Variants in CNBD1 observed in about 807,000 individuals in gnomAD.
The protein encoded by CNBD1 is cyclic nucleotide-binding domain-containing protein 1.
In CNBD1, 71 loss-of-function variants were observed where a neutral mutation model predicts 54.4. That is an observed-to-expected ratio of 1.30 (90% CI 1.08 to 1.59). The LOEUF is 1.59. CNBD1 is among the 40% of genes most tolerant of loss of function. The pLI is 0.00. For synonymous variants in CNBD1, 182 were observed against 170.7 expected, an observed-to-expected ratio of 1.07 and a Z score of -0.51; for missense variants, 659 against 518.0, an observed-to-expected ratio of 1.27 and a Z score of -2.64.
chr8:87,211,575 C>G (rs547771899), intron 5 of CNBD1, among the ~76,000 whole-genome samples: 3 of 152,228 alleles, frequency 2.0e-5, no homozygotes, highest in African/African-American at 7.2e-5. Flanking sequence ...TGAGTGAGTT[C>G]TCACAAGATC....
chr8:87,303,088 T>G (rs1451961756), intron 8 of CNBD1, among the ~76,000 whole-genome samples: 41 of 152,040 alleles, frequency 2.7e-4, no homozygotes, highest in African/African-American at 9.6e-4. Flanking sequence ...TTCAATGCTA[T>G]CCCCATCAAG....
At chr8:87,377,566 T>G (rs868141915) in intron 10 of CNBD1, among the ~76,000 whole-genome samples, 177 of 151,900 alleles carry the variant, frequency 1.2e-3, no homozygotes, top group African/African-American at 3.5e-3. Flanking sequence ...TGGACATTTG[T>G]GTTGGTTCCA....
At chr8:87,043,448 A>T (rs904453310) in intron 4 of CNBD1, among the ~76,000 whole-genome samples, 2 of 152,134 alleles carry the variant, frequency 1.3e-5, no homozygotes, top group African/African-American at 4.8e-5. Context: ...GATTCAACAC[A>T]TTTTGTCTGT....
chr8:87,186,859 A>G (rs2130782411), intron 4 of CNBD1, among the ~76,000 whole-genome samples: 1 of 152,228 alleles, frequency 6.6e-6, no homozygotes, highest in Non-Finnish European at 1.5e-5. Context: ...GTTATGGACA[A>G]AAGGAAGGGA....
chr8:87,205,129 T>C (rs1305988087), intron 4 of CNBD1, among the ~76,000 whole-genome samples: 1 of 152,212 alleles, frequency 6.6e-6, no homozygotes, highest in African/African-American at 2.4e-5. Context: ...TATGGGTATC[T>C]GAAATTCCCT....
At chr8:87,190,974 A>G (rs888302630) in intron 4 of CNBD1, among the ~76,000 whole-genome samples, 12 of 138,758 alleles carry the variant, frequency 8.6e-5, no homozygotes, top group Admixed American at 7.8e-4. Context: ...TGAAAGATAT[A>G]TATATGTATC....
At chr8:87,083,593 T>TC (rs1175456153) in intron 4 of CNBD1, among the ~76,000 whole-genome samples, 2 of 147,716 alleles carry the variant, frequency 1.4e-5, no homozygotes, top group African/African-American at 5.0e-5. Context: ...TTCTTTTTTT[T>TC]TTTTTTTTTT....
chr8:87,017,647 G>A (rs1809392239), intron 4 of CNBD1, among the ~76,000 whole-genome samples: 1 of 152,136 alleles, frequency 6.6e-6, no homozygotes, highest in Non-Finnish European at 1.5e-5. Flanking sequence ...TAGCTCTCGT[G>A]AGCTGTTTGG....
chr8:87,290,326 T>C (rs1358224551), intron 8 of CNBD1, among the ~76,000 whole-genome samples: 1 of 152,246 alleles, frequency 6.6e-6, no homozygotes, highest in Admixed American at 6.6e-5. Context: ...TTTTTATTTG[T>C]TCCTGTGGAC....
intron 4 of CNBD1, among the ~76,000 whole-genome samples, chr8:87,088,433 AGTAT>A (rs1236514813): frequency 6.6e-6 from 1 of 152,220 alleles, no homozygotes; most frequent in Non-Finnish European, 1.5e-5. Flanking sequence ...ATATAAAAAG[AGTAT>A]GTATGACTTT....
chr8:87,348,710 A>G (rs1267185988), intron 8 of CNBD1, among the ~76,000 whole-genome samples: 1 of 152,190 alleles, frequency 6.6e-6, no homozygotes, highest in East Asian at 1.9e-4. Flanking sequence ...TCTAATCATT[A>G]GTTTCTATTT....
chr8:87,033,296 G>A (rs958971830), intron 4 of CNBD1, among the ~76,000 whole-genome samples: 15 of 152,142 alleles, frequency 9.9e-5, no homozygotes, highest in Non-Finnish European at 1.5e-5. Context: ...TTGTGTTTGG[G>A]GGCAAGTAGA....
At chr8:87,365,701 T>C (rs1810628942) in intron 10 of CNBD1, among the ~76,000 whole-genome samples, 1 of 152,088 alleles carries the variant, frequency 6.6e-6, no homozygotes, top group Non-Finnish European at 1.5e-5. Flanking sequence ...AAATTTTAAG[T>C]ATGATAACTT....
At chr8:87,339,089 T>A (rs965736069) in intron 8 of CNBD1, among the ~76,000 whole-genome samples, 2 of 151,784 alleles carry the variant, frequency 1.3e-5, no homozygotes, top group Admixed American at 1.3e-4. Context: ...TTCCTTCAGG[T>A]CAAGCAGATT....
intron 6 of CNBD1, among the ~76,000 whole-genome samples, chr8:87,273,091 G>A (rs1284331639): frequency 2.0e-5 from 3 of 151,704 alleles, no homozygotes; most frequent in Non-Finnish European, 4.4e-5. Flanking sequence ...CCTAATAATA[G>A]GAAAATTTTA....
intron 4 of CNBD1, among the ~76,000 whole-genome samples, chr8:86,956,929 C>T (rs565455323): frequency 6.6e-6 from 1 of 152,246 alleles, no homozygotes; most frequent in African/African-American, 2.4e-5. Flanking sequence ...GCAATGCTTC[C>T]AGTTTTTGCC....
intron 4 of CNBD1, among the ~76,000 whole-genome samples, chr8:87,144,547 C>CA (rs576917845): frequency 2.3e-4 from 35 of 151,906 alleles, no homozygotes; most frequent in East Asian, 3.9e-4. Context: ...ATTTTAGATG[C>CA]AAAAAAATGT....
chr8:87,228,518 C>T (rs1814568975), intron 5 of CNBD1, among the ~76,000 whole-genome samples: 1 of 149,870 alleles, frequency 6.7e-6, no homozygotes, highest in South Asian at 2.1e-4. Flanking sequence ...TGTCAGTGTG[C>T]CCCTGCTGGG....
intron 2 of CNBD1, among the ~76,000 whole-genome samples, chr8:86,892,226 C>T (rs1396583447): frequency 6.6e-6 from 1 of 151,950 alleles, no homozygotes; most frequent in Non-Finnish European, 1.5e-5. Context: ...TGTTTAGGTT[C>T]ATTCCTTCTG....
Sources: allele counts gnomAD v4.1 joint callset (sites outside exome capture counted in the v4.1 genomes callset), GRCh38; gene constraint gnomAD v4.1.1; transcripts MANE v1.5; gene names NCBI Gene and HGNC (gene_info 2026-07-23, HGNC 2026-07-21).